The following PCSK5 variants were observed in gnomAD, a reference collection of about 807,000 sequenced individuals.
PCSK5 encodes the protein proprotein convertase subtilisin/kexin type 5.
PCSK5 carries 129 observed loss-of-function variants against 233.2 expected under a neutral mutation model. That is an observed-to-expected ratio of 0.55 (90% CI 0.48 to 0.64). PCSK5 has a LOEUF of 0.64. Ranked by LOEUF, PCSK5 falls within the 30% of genes least tolerant of loss-of-function variation. The probability of loss-of-function intolerance (pLI) is 0.00; values close to 1 mark genes in which losing one functional copy is unlikely to be tolerated. For missense variants in PCSK5, 2,076 were observed against 2,430.1 expected (o/e 0.85, Z 3.06); for synonymous variants, 825 against 879.2 (o/e 0.94, Z 1.09).
At chr9:76,152,078 C>G (rs77520849) in intron 10 of PCSK5, among the ~76,000 whole-genome samples, 1 of 152,176 alleles carries the variant, frequency 6.6e-6, no homozygotes, top group South Asian at 2.1e-4. Context: ...TATGTGCATC[C>G]GAACAAATAG....
chr9:76,352,235 G>A (rs562000442), intron 36 of PCSK5, among the ~76,000 whole-genome samples: 1 of 152,232 alleles, frequency 6.6e-6, no homozygotes, highest in African/African-American at 2.4e-5. Flanking sequence ...TCCTGATGTT[G>A]CCATGGCATT....
At chr9:76,068,337 G>C (rs1830359712) in intron 6 of PCSK5, among the ~76,000 whole-genome samples, 1 of 152,084 alleles carries the variant, frequency 6.6e-6, no homozygotes, top group Non-Finnish European at 1.5e-5. Flanking sequence ...GTACCAAAAT[G>C]CTACAATTGG....
intron 20 of PCSK5, among the ~76,000 whole-genome samples, chr9:76,191,449 A>C (rs1824372069): frequency 6.6e-6 from 1 of 152,164 alleles, no homozygotes; most frequent in South Asian, 2.1e-4. Context: ...AAAAATGAAG[A>C]AGATAATACT....
At chr9:75,904,410 A>G (rs1826176602) in intron 1 of PCSK5, among the ~76,000 whole-genome samples, 2 of 152,232 alleles carry the variant, frequency 1.3e-5, no homozygotes, top group South Asian at 4.1e-4. Context: ...CTTGTACCCA[A>G]AATATGTAAT....
intron 10 of PCSK5, 87 bp from the exon 11 acceptor site, chr9:76,156,958 A>G (rs1472856598): frequency 2.1e-5 from 17 of 817,420 alleles, no homozygotes; most frequent in Non-Finnish European, 3.0e-5. Flanking sequence ...AGGATCCCAT[A>G]GGGTGGTGTC....
At chr9:76,230,578 G>A (rs1826047558) in intron 21 of PCSK5, among the ~76,000 whole-genome samples, 1 of 152,186 alleles carries the variant, frequency 6.6e-6, no homozygotes, top group Non-Finnish European at 1.5e-5. Flanking sequence ...GGCCTATTAG[G>A]AGCTGGGCTG....
At chr9:76,089,085 G>A (rs1180107842) in intron 7 of PCSK5, among the ~76,000 whole-genome samples, 1 of 152,054 alleles carries the variant, frequency 6.6e-6, no homozygotes. Context: ...TTATTTCTTA[G>A]CTACTAAGTC....
rs115642244 is a variant in PCSK5, at chr9:75,936,998, G to T, written c.297+4515G>T. Among the ~76,000 whole-genome samples, 333 of 152,154 alleles carry T rather than the reference G, an allele frequency of 2.2e-3. 2 individuals carry two copies. Among genetic ancestry groups the T allele is most frequent in the African/African-American group, 7.5e-3 (313 of 41,482 alleles). ...AATCTCCTTGTAAATTTCCATCAGT[G>T]CTCTTGGGTGACTAGGTACATTGTC... On this transcript the variant is annotated intron_variant, in intron 2 of 37. Transcript: ENST00000674117.
chr9:75,916,249 A>G (rs1392814765), intron 1 of PCSK5, among the ~76,000 whole-genome samples: 1 of 152,216 alleles, frequency 6.6e-6, no homozygotes, highest in East Asian at 1.9e-4. Flanking sequence ...GTATGGTGAA[A>G]ATAGCACTGA....
chr9:76,220,421 G>A (rs1272293036), intron 20 of PCSK5, among the ~76,000 whole-genome samples: 1 of 151,306 alleles, frequency 6.6e-6, no homozygotes, highest in Non-Finnish European at 1.5e-5. Flanking sequence ...CAGCTACTCG[G>A]AAGGCTGAGG....
intron 2 of PCSK5, among the ~76,000 whole-genome samples, chr9:75,947,756 C>T (rs1190543482): frequency 6.6e-6 from 1 of 152,126 alleles, no homozygotes; most frequent in Non-Finnish European, 1.5e-5. Context: ...GAAGTTGTAC[C>T]TTACATGGGG....
chr9:76,011,494 T>C (rs573068561), intron 3 of PCSK5, among the ~76,000 whole-genome samples: 2 of 152,348 alleles, frequency 1.3e-5, no homozygotes, highest in African/African-American at 4.8e-5. Context: ...ATTAAAGTGG[T>C]CTTTTTAGTA....
At chr9:76,278,693 C>T (rs1218234953) in intron 24 of PCSK5, among the ~76,000 whole-genome samples, 2 of 152,120 alleles carry the variant, frequency 1.3e-5, no homozygotes, top group African/African-American at 2.4e-5. Context: ...GTCTATCTAT[C>T]TATCTATCCA....
At chr9:76,231,338 G>A (rs948100271) in intron 21 of PCSK5, among the ~76,000 whole-genome samples, 2 of 152,206 alleles carry the variant, frequency 1.3e-5, no homozygotes, top group East Asian at 3.9e-4. Context: ...CCACGACTCG[G>A]ATCATGAGAA....
At chr9:75,892,076 C>A (rs905449070) in intron 1 of PCSK5, among the ~76,000 whole-genome samples, 13 of 152,156 alleles carry the variant, frequency 8.5e-5, no homozygotes, top group Admixed American at 3.3e-4. Context: ...AACCGGCTGG[C>A]TGGGTTCCGC....
intron 20 of PCSK5, among the ~76,000 whole-genome samples, chr9:76,198,972 T>C (rs541419236): frequency 2.0e-5 from 3 of 152,306 alleles, no homozygotes; most frequent in Admixed American, 6.5e-5. Context: ...AAAATGGAGT[T>C]GACTCTAAAA....
At chr9:76,281,270 G>T (rs1348982398) in intron 24 of PCSK5, among the ~76,000 whole-genome samples, 1 of 152,190 alleles carries the variant, frequency 6.6e-6, no homozygotes, top group Non-Finnish European at 1.5e-5. Flanking sequence ...TCAACGCCTG[G>T]CTTCAAAGTC....
chr9:75,994,177 T>C (rs1251845312), intron 3 of PCSK5, among the ~76,000 whole-genome samples: 3 of 152,082 alleles, frequency 2.0e-5, no homozygotes, highest in Non-Finnish European at 4.4e-5. Flanking sequence ...GCTTCCACTG[T>C]TTCTGCTTTT....
chr9:75,935,325 C>T (rs536735209), intron 2 of PCSK5, among the ~76,000 whole-genome samples: 1 of 152,296 alleles, frequency 6.6e-6, no homozygotes, highest in African/African-American at 2.4e-5. Flanking sequence ...CCTCGGCCTC[C>T]CAGAGTGCTG....
Sources: gnomAD v4.1 joint callset for allele counts (sites outside exome capture counted in the v4.1 genomes callset) on GRCh38, gnomAD v4.1.1 for gene constraint, MANE v1.5 for transcripts, NCBI Gene and HGNC (gene_info 2026-07-23, HGNC 2026-07-21) for gene names.